Variants in EXOC4 observed in about 807,000 individuals in gnomAD.
The protein encoded by EXOC4 is exocyst complex component 4.
A neutral mutation model predicts 107.2 loss-of-function variants in EXOC4; 71 were observed. The observed-to-expected ratio is 0.66, with a 90% CI of 0.55 to 0.81. The LOEUF is 0.81. Ranked by LOEUF, EXOC4 falls within the 30% of genes least tolerant of loss-of-function variation. The probability of loss-of-function intolerance (pLI) is 0.00; values close to 1 mark genes in which losing one functional copy is unlikely to be tolerated. For synonymous variants in EXOC4, 456 were observed against 441.2 expected, an observed-to-expected ratio of 1.03 and a Z score of -0.42; for missense variants, 1,108 against 1,189.6, an observed-to-expected ratio of 0.93 and a Z score of 1.01.
rs187443248 is a variant in EXOC4 at position 133,900,339 on chromosome 7, C to T, written c.1871+4604C>T. On this transcript the variant is annotated intron_variant, in intron 12 of 17. Transcript: ENST00000253861. ...GCCTTGCTGTGGGAGGAAGAAATTACGAAGGAGGACAGGGAAGGCTTAGTG... is the reference window on the plus strand; with the variant it reads ...GCCTTGCTGTGGGAGGAAGAAATTATGAAGGAGGACAGGGAAGGCTTAGTG... Among the ~76,000 whole-genome samples the T allele has an allele frequency of 3.9e-5, 6 of 152,130 alleles. No homozygotes were observed. In the East Asian group the frequency reaches 9.7e-4, roughly 24 times the overall value.
chr7:134,089,772 A>G, the EXOC4 span, among the ~76,000 whole-genome samples: 3 of 152,156 alleles, frequency 2.0e-5, no homozygotes, highest in African/African-American at 4.8e-5. Flanking sequence ...AGAATTTACC[A>G]TATAAGATCC....
At chr7:133,341,848 C>G (rs955178511) in intron 5 of EXOC4, among the ~76,000 whole-genome samples, 1 of 152,118 alleles carries the variant, frequency 6.6e-6, no homozygotes, top group African/African-American at 2.4e-5. Context: ...ATAGAAATAG[C>G]TATTCTTGCT....
At chr7:133,990,290 T>G (rs976973315) in intron 14 of EXOC4, among the ~76,000 whole-genome samples, 1 of 143,990 alleles carries the variant, frequency 6.9e-6, no homozygotes. Context: ...CCCTTTTTAT[T>G]TCTCAGCCTC....
chr7:133,593,407 T>C (rs572540259), intron 9 of EXOC4, among the ~76,000 whole-genome samples: 1 of 152,222 alleles, frequency 6.6e-6, no homozygotes, highest in Admixed American at 6.5e-5. Context: ...CTTCAGAGTC[T>C]AGCAGAATCC....
the EXOC4 span, among the ~76,000 whole-genome samples, chr7:134,086,687 G>A: frequency 1.2e-4 from 18 of 152,100 alleles, no homozygotes; most frequent in African/African-American, 3.9e-4. Context: ...GGGTTCTTGG[G>A]TCTTGGGCAA....
At chr7:133,465,003 G>A (rs951032797) in intron 7 of EXOC4, among the ~76,000 whole-genome samples, 3 of 150,952 alleles carry the variant, frequency 2.0e-5, no homozygotes, top group African/African-American at 7.3e-5. Flanking sequence ...TTTTTTGGTA[G>A]AGACACGGCC....
intron 11 of EXOC4, among the ~76,000 whole-genome samples, chr7:133,840,102 A>G (rs1797994874): frequency 6.6e-6 from 1 of 152,242 alleles, no homozygotes; most frequent in Non-Finnish European, 1.5e-5. Context: ...AGAAAGGTAG[A>G]TAGATTCCAA....
intron 17 of EXOC4, among the ~76,000 whole-genome samples, chr7:134,047,521 C>A (rs1017247012): frequency 2.6e-5 from 4 of 152,160 alleles, no homozygotes; most frequent in African/African-American, 9.7e-5. Context: ...AGACACCCCC[C>A]AAAGGCACAA....
intron 17 of EXOC4, among the ~76,000 whole-genome samples, chr7:134,029,987 G>C (rs1413505632): frequency 6.6e-6 from 1 of 152,182 alleles, no homozygotes; most frequent in African/African-American, 2.4e-5. Flanking sequence ...TCACTTGCTT[G>C]AGGTTATAAC....
At chr7:133,922,364 C>A (rs1399679200) in intron 13 of EXOC4, among the ~76,000 whole-genome samples, 1 of 152,090 alleles carries the variant, frequency 6.6e-6, no homozygotes, top group Non-Finnish European at 1.5e-5. Flanking sequence ...AACTACTAGA[C>A]TAGTTTAATC....
intron 5 of EXOC4, among the ~76,000 whole-genome samples, chr7:133,323,797 C>T (rs1795171467): frequency 6.6e-6 from 1 of 152,194 alleles, no homozygotes; most frequent in Admixed American, 6.5e-5. Context: ...ACCAGCTCCT[C>T]CTTGTACCTC....
intron 11 of EXOC4, among the ~76,000 whole-genome samples, chr7:133,855,998 C>T (rs572129898): frequency 6.6e-6 from 1 of 152,300 alleles, no homozygotes; most frequent in African/African-American, 2.4e-5. Context: ...AGATAGTTAC[C>T]TCACAGAATT....
At chr7:133,839,567 A>C (rs1461319090) in intron 11 of EXOC4, among the ~76,000 whole-genome samples, 1 of 152,202 alleles carries the variant, frequency 6.6e-6, no homozygotes, top group African/African-American at 2.4e-5. Flanking sequence ...AAATGGTCAT[A>C]GGAGTTGGTA....
chr7:133,776,940 TGTAACAAGAAGGTCCATTTA>T (rs1421274265), intron 10 of EXOC4, among the ~76,000 whole-genome samples: 2 of 152,162 alleles, frequency 1.3e-5, no homozygotes, highest in Admixed American at 1.3e-4. Flanking sequence ...AAAGCTGTCC[TGTAACAAGAAGGTCCATTTA>T]GCCTTCTGAA....
intron 11 of EXOC4, among the ~76,000 whole-genome samples, chr7:133,829,372 A>C (rs1300340689): frequency 6.6e-6 from 1 of 152,198 alleles, no homozygotes; most frequent in Non-Finnish European, 1.5e-5. Flanking sequence ...TTGGCAGTTC[A>C]GACAGGATTA....
chr7:134,008,212 A>C (rs922256747), intron 17 of EXOC4, among the ~76,000 whole-genome samples: 1 of 152,172 alleles, frequency 6.6e-6, no homozygotes, highest in Non-Finnish European at 1.5e-5. Flanking sequence ...GCTTTTTTGC[A>C]TGTGCTGTGT....
chr7:133,946,766 C>T (rs1800560969), intron 14 of EXOC4, among the ~76,000 whole-genome samples: 1 of 152,242 alleles, frequency 6.6e-6, no homozygotes, highest in African/African-American at 2.4e-5. Flanking sequence ...GTGCAAGCTT[C>T]AGACTGACCC....
intron 14 of EXOC4, among the ~76,000 whole-genome samples, chr7:133,942,858 C>T (rs1300812080): frequency 6.6e-6 from 1 of 152,092 alleles, no homozygotes; most frequent in African/African-American, 2.4e-5. Context: ...TGTACAAACC[C>T]CTCTTGAATT....
Position 133,530,722 on chromosome 7 carries a change from C to T in EXOC4, c.1417+50584C>T, listed in dbSNP as rs375737609. 2.0e-5 allele frequency among the ~76,000 whole-genome samples: 3 copies of T among 152,254 alleles called. No homozygotes were observed. In the East Asian group the frequency reaches 5.8e-4, roughly 29 times the overall value. On this transcript the variant is annotated intron_variant, in intron 9 of 17. Coordinates refer to ENST00000253861, the MANE Select transcript of EXOC4 (RefSeq NM_021807.4). The stretch of plus-strand genomic sequence containing the variant: ...TTAGTTACATGATTTCTAAATCACT[C>T]CTGTTCGGTATAAGTGGAACCTAGG...
Sources: allele counts gnomAD v4.1 joint callset (sites outside exome capture counted in the v4.1 genomes callset), GRCh38; gene constraint gnomAD v4.1.1; transcripts MANE v1.5; gene names NCBI Gene and HGNC (gene_info 2026-07-23, HGNC 2026-07-21).